The following CDH7 variants were observed in gnomAD, a reference collection of about 807,000 sequenced individuals.
CDH7 encodes the protein cadherin 7.
In CDH7, 25 loss-of-function variants were observed where a neutral mutation model predicts 71.8. The observed-to-expected ratio is 0.35, with a 90% CI of 0.25 to 0.49. CDH7 has a LOEUF of 0.49. CDH7 is among the 20% of genes least tolerant of loss of function. CDH7 has a pLI of 0.99. For missense variants in CDH7, 862 were observed against 974.6 expected, an observed-to-expected ratio of 0.88 and a Z score of 1.54; for synonymous variants, 381 against 363.8, an observed-to-expected ratio of 1.05 and a Z score of -0.54.
intron 11 of CDH7, among the ~76,000 whole-genome samples, chr18:65,879,426 G>A (rs540307548): frequency 6.6e-6 from 1 of 152,136 alleles, no homozygotes; most frequent in African/African-American, 2.4e-5. Flanking sequence ...GATGAATAAA[G>A]GTAATTCATT....
chr18:65,832,669 A>G (rs1343589969), intron 6 of CDH7, among the ~76,000 whole-genome samples: 3 of 152,156 alleles, frequency 2.0e-5, no homozygotes, highest in African/African-American at 7.2e-5. Flanking sequence ...TAACCAGTTA[A>G]ATAGGATTTC....
chr18:65,876,051 C>A (rs190046321), intron 11 of CDH7, among the ~76,000 whole-genome samples: 35 of 152,294 alleles, frequency 2.3e-4, no homozygotes, highest in African/African-American at 8.2e-4. Context: ...TTGTAATTCT[C>A]TTTTCTGCAT....
chr18:65,751,168 C>A lies in CDH7; in HGVS notation c.-197+18C>A, dbSNP rs1043258868. 1 of 152,456 alleles carries A rather than the reference C, an allele frequency of 6.6e-6. No homozygotes were observed. The allele number at this position is 152,456 out of a possible 1,614,324, so 9.4% of individuals were successfully genotyped here. A position where few individuals can be genotyped will look rare whatever the true frequency, so the allele number is the denominator to read the frequency against. On this transcript the variant is annotated intron_variant, in intron 1 of 11. Coordinates refer to ENST00000397968, the MANE Select transcript of CDH7 (RefSeq NM_004361.5). ...GGCCCCAGGTGAGTGTGTCTGCCTG[C>A]GCGGGGCTGGGGAGGCGCCGCTGGG...
chr18:65,874,470 G>T (rs115762588), intron 11 of CDH7, among the ~76,000 whole-genome samples: 1 of 151,934 alleles, frequency 6.6e-6, no homozygotes, highest in African/African-American at 2.4e-5. Flanking sequence ...TAAACAATGC[G>T]TACACATGGA....
chr18:65,793,257 A>T (rs1338489703), intron 2 of CDH7, among the ~76,000 whole-genome samples: 1 of 151,964 alleles, frequency 6.6e-6, no homozygotes, highest in Non-Finnish European at 1.5e-5. Context: ...CTGGGGCGAA[A>T]CCCTGTCTCT....
rs1332985115 is a variant in CDH7, at chr18:65,885,431, G to A, written c.*4537G>A. On this transcript the variant is annotated 3_prime_UTR_variant, in exon 12 of 12. Coordinates refer to ENST00000397968, the MANE Select transcript of CDH7 (RefSeq NM_004361.5). Reference sequence around the variant, plus strand: ...CTCGCTCTGTCGCCCAGGCTGGAGTGCAGTGGTGCGATCTCGGCTCACTGC... The same window carrying A: ...CTCGCTCTGTCGCCCAGGCTGGAGTACAGTGGTGCGATCTCGGCTCACTGC... The A allele has an allele frequency of 8.0e-6, 1 of 125,640 alleles. No individual in the cohort carries two copies. Among genetic ancestry groups the A allele is most frequent in the Admixed American group, 1.1e-4 (1 of 8,734 alleles). 7.8% of individuals were successfully genotyped at this position (125,640 alleles called of 1,614,324 possible). A position where few individuals can be genotyped will look rare whatever the true frequency, so the allele number is the denominator to read the frequency against.
intron 6 of CDH7, among the ~76,000 whole-genome samples, chr18:65,831,371 A>G (rs958937716): frequency 6.6e-6 from 1 of 152,146 alleles, no homozygotes; most frequent in Non-Finnish European, 1.5e-5. Context: ...TGCTGGCCCA[A>G]CAAAGGCAGG....
In CDH7 at chr18:65,816,298, T is replaced by C. The variant is rs1045559208; in HGVS notation, c.625+1694T>C. ...CTTTGTCCTCTCTGCTAATTTATAA[T>C]ATGTAGAGTACATTTCTTGTGAGAA... On this transcript the variant is annotated intron_variant, in intron 4 of 11. Transcript: ENST00000397968. 3.3e-5 allele frequency among the ~76,000 whole-genome samples: 5 copies of C among 152,196 alleles called. No homozygotes were observed. In the East Asian group the frequency reaches 7.7e-4, roughly 24 times the overall value.
intron 4 of CDH7, among the ~76,000 whole-genome samples, chr18:65,819,773 C>T (rs1351848979): frequency 6.6e-6 from 1 of 151,388 alleles, no homozygotes; most frequent in Non-Finnish European, 1.5e-5. Flanking sequence ...AAGTGATATC[C>T]AAAAAAGTTT....
chr18:65,856,132 G>A (rs528840139), intron 7 of CDH7, among the ~76,000 whole-genome samples: 10 of 152,154 alleles, frequency 6.6e-5, no homozygotes, highest in Non-Finnish European at 1.0e-4. Flanking sequence ...AAGACACTTC[G>A]AAACTGGATC....
rs1914414185 is a variant in CDH7, at chr18:65,887,917, A to G, written c.*7023A>G. On this transcript the variant is annotated 3_prime_UTR_variant, in exon 12 of 12. Transcript: ENST00000397968. ...TTTATGTTTATGAGATTCCATTATA[A>G]TTACATTAAAAAGAAAACCACTTTT... 1 of 152,184 alleles carries G rather than the reference A, an allele frequency of 6.6e-6. No homozygotes were observed. The highest frequency in any genetic ancestry group is 6.5e-5 in the Admixed American group (1 of 15,278). 9.4% of individuals were successfully genotyped at this position (152,184 alleles called of 1,614,324 possible).
intron 6 of CDH7, among the ~76,000 whole-genome samples, chr18:65,842,844 C>T (rs1449326967): frequency 1.8e-5 from 1 of 56,878 alleles, no homozygotes; most frequent in East Asian, 6.0e-4. Context: ...TTCAGTATTC[C>T]TGTAAAGTTT....
rs6146352 is a variant in CDH7 at position 65,829,118 on chromosome 18, G to GTTTTGTTTTGTTTTTGTTTTTGT, written c.981+4301_981+4302insTGTTTTTGTTTTTGTTTTGTTTT. On this transcript the variant is annotated intron_variant, in intron 6 of 11. Coordinates refer to ENST00000397968, the MANE Select transcript of CDH7 (RefSeq NM_004361.5). The stretch of plus-strand genomic sequence containing the variant: ...CTAAGCAGTATGGTCTGTCATTTTT[G>GTTTTGTTTTGTTTTTGTTTTTGT]TTTTGTTTTGTTTTGTTTTGAGATG... Among the ~76,000 whole-genome samples, 7 of 150,040 alleles carry GTTTTGTTTTGTTTTTGTTTTTGT rather than the reference G, an allele frequency of 4.7e-5. No individual in the cohort carries two copies. In the South Asian group the frequency reaches 1.3e-3, roughly 27 times the overall value.
intron 4 of CDH7, 31 bp from the exon 5 acceptor site, chr18:65,822,050 A>G: frequency 3.2e-6 from 5 of 1,565,518 alleles, no homozygotes; most frequent in Non-Finnish European, 4.4e-6. Context: ...GTGATTCATG[A>G]TGAGTTTTAC....
At position 65,822,324 on chromosome 18, in the gene CDH7, T is replaced by G. The variant is rs536458593; in HGVS notation, c.793+76T>G. 2.0e-5 allele frequency: 23 copies of G among 1,145,508 alleles called. No individual in the cohort carries two copies. The East Asian group carries it at 4.9e-4, about 24-fold the overall frequency. The allele number at this position is 1,145,508 out of a possible 1,614,324, so 71.0% of individuals were successfully genotyped here. ...TATAAAATACATCTTTAAAATGACT[T>G]TTTTTCAAATACTTCTAAAGCAAAT... On this transcript the variant is annotated intron_variant, in intron 5 of 11. Coordinates refer to ENST00000397968, the MANE Select transcript of CDH7 (RefSeq NM_004361.5).
intron 11 of CDH7, among the ~76,000 whole-genome samples, chr18:65,870,482 C>T (rs1913895842): frequency 6.6e-6 from 1 of 152,188 alleles, no homozygotes; most frequent in South Asian, 2.1e-4. Flanking sequence ...CTGCTTGAAA[C>T]ATTTCAGATG....
In CDH7 at chr18:65,799,354, C is replaced by A. The variant is rs1047049773; in HGVS notation, c.211-10350C>A. Among the ~76,000 whole-genome samples, 21 of 152,128 alleles carry A rather than the reference C, an allele frequency of 1.4e-4. 2 individuals are homozygous for A. The highest frequency in any genetic ancestry group is 1.3e-3 in the Admixed American group (20 of 15,276). Reference sequence around the variant, plus strand: ...TGTAGGAAAGAGAAGCATACATCAACCCCCAGTGAGTCAACAGGAGTGAGG... The same window carrying A: ...TGTAGGAAAGAGAAGCATACATCAAACCCCAGTGAGTCAACAGGAGTGAGG... On this transcript the variant is annotated intron_variant, in intron 2 of 11. Coordinates refer to ENST00000397968, the MANE Select transcript of CDH7 (RefSeq NM_004361.5).
chr18:65,791,980 T>C (rs559300575), intron 2 of CDH7, among the ~76,000 whole-genome samples: 1 of 152,316 alleles, frequency 6.6e-6, no homozygotes, highest in Non-Finnish European at 1.5e-5. Context: ...TTTGACTAAA[T>C]AAACTTTCTC....
At chr18:65,754,358 G>T (rs1915972689) in intron 1 of CDH7, among the ~76,000 whole-genome samples, 1 of 152,182 alleles carries the variant, frequency 6.6e-6, no homozygotes, top group African/African-American at 2.4e-5. Context: ...GTAGGAGGTT[G>T]TGGTCTGTGG....
Sources: gnomAD v4.1 joint callset for allele counts (sites outside exome capture counted in the v4.1 genomes callset) on GRCh38, gnomAD v4.1.1 for gene constraint, MANE v1.5 for transcripts, NCBI Gene and HGNC (gene_info 2026-07-23, HGNC 2026-07-21) for gene names.